Variants in ARFGAP2 observed in about 807,000 individuals in gnomAD.
The protein encoded by ARFGAP2 is ADP-ribosylation factor GTPase-activating protein 2.
In ARFGAP2, 45 loss-of-function variants were observed where a neutral mutation model predicts 71.9. That is an observed-to-expected ratio of 0.63 (90% CI 0.49 to 0.80). ARFGAP2 has a LOEUF of 0.80. Among genes scored for constraint, ARFGAP2 ranks in the 30% least tolerant of loss-of-function variants. ARFGAP2 has a pLI of 0.00. For synonymous variants in ARFGAP2, 248 were observed against 249.2 expected (o/e 1.00, Z 0.05); for missense variants, 633 against 673.9 (o/e 0.94, Z 0.67).
chr11:47,172,419 G>A (rs1485235802), intron 7 of ARFGAP2, 86 bp from the exon 8 acceptor site: 4 of 1,476,512 alleles, frequency 2.7e-6, no homozygotes, highest in Non-Finnish European at 3.8e-6. Context: ...TTCATGGCAA[G>A]AGCTCCTAAG....
chr11:47,172,046 C>T, intron 8 of ARFGAP2: 1 of 702,084 alleles, frequency 1.4e-6, no homozygotes, highest in Non-Finnish European at 2.4e-6. Context: ...CAAGTATGTG[C>T]CAAGCACTCC....
intron 10 of ARFGAP2, 36 bp downstream of exon 10, chr11:47,171,390 C>T (rs748561500): frequency 1.9e-6 from 3 of 1,610,336 alleles, no homozygotes; most frequent in East Asian, 2.2e-5. Context: ...CAGAAAACAA[C>T]GGCATTTCCC....
At position 47,166,600 on chromosome 11, in the gene ARFGAP2, C is replaced by T; in HGVS notation, c.1333-1G>A. 3 of 1,611,860 alleles carry T rather than the reference C, an allele frequency of 1.9e-6. No individual in the cohort carries two copies. The highest frequency in any genetic ancestry group is 2.5e-6 in the Non-Finnish European group (3 of 1,179,910). On this transcript the variant is annotated splice_acceptor_variant, in intron 13 of 15. Coordinates refer to ENST00000524782, the MANE Select transcript of ARFGAP2 (RefSeq NM_032389.6). LOFTEE classifies it high-confidence loss of function. Reference sequence around the variant, plus strand: ...GCTGCAGCCGAGACCTGGCCTCATACTGTGGTGAGGAAAAGGCCAGGCCTG... The same window carrying T: ...GCTGCAGCCGAGACCTGGCCTCATATTGTGGTGAGGAAAAGGCCAGGCCTG...
chr11:47,170,856 G>C (rs1952571930), intron 10 of ARFGAP2, among the ~76,000 whole-genome samples: 1 of 152,092 alleles, frequency 6.6e-6, no homozygotes, highest in African/African-American at 2.4e-5. Context: ...TGAAGTGGAA[G>C]GATCACCTGA....
rs1040470078 is a variant in ARFGAP2, at chr11:47,166,968, G to A, written c.1206-82C>T. The A allele has an allele frequency of 1.6e-5, 24 of 1,516,462 alleles. No individual in the cohort carries two copies. The African/African-American group carries it at 2.9e-4, about 18-fold the overall frequency. The allele number at this position is 1,516,462 out of a possible 1,614,324, so 93.9% of individuals were successfully genotyped here. ...AGTACAGAGGCCAAACAGAGCACCA[G>A]TGGCCTTTTGGTGATGGGTTACCAG... On this transcript the variant is annotated intron_variant, in intron 12 of 15. Transcript: ENST00000524782.
In ARFGAP2 at chr11:47,171,554, G is replaced by A. The variant is rs776670169; in HGVS notation, c.813C>T (p.Val271=). The A allele has an allele frequency of 1.2e-5, 19 of 1,613,994 alleles. No homozygotes were observed. Among genetic ancestry groups the A allele is most frequent in the East Asian group, 1.1e-4 (5 of 44,898 alleles). Reference sequence around the variant, plus strand: ...CCTGGTAGGCCAGACGCATGGAGGCGACCCTTAGGGGGAACAAAGGTGTCA... The same window carrying A: ...CCTGGTAGGCCAGACGCATGGAGGCAACCCTTAGGGGGAACAAAGGTGTCA... ...DAKKQAEESM[V]ASMRLAYQEL... is the part of the protein sequence containing the mutation. Residue 271 remains valine (V), a synonymous_variant, in exon 10 of 16, where the codon GTC becomes GTT. Coordinates refer to ENST00000524782, the MANE Select transcript of ARFGAP2 (RefSeq NM_032389.6).
intron 7 of ARFGAP2, 37 bp from the exon 8 acceptor site, chr11:47,172,370 G>T (rs753387303): frequency 1.2e-6 from 2 of 1,611,508 alleles, no homozygotes; most frequent in Admixed American, 3.3e-5. Context: ...CTAAGACAAA[G>T]GCAGCTCAGA....
chr11:47,172,512 G>C (rs913021759), intron 7 of ARFGAP2, among the ~76,000 whole-genome samples, 179 bp from the exon 8 acceptor site: 1 of 152,174 alleles, frequency 6.6e-6, no homozygotes, highest in African/African-American at 2.4e-5. Flanking sequence ...CGTGGCTGGG[G>C]TATTTACTGG....
chr11:47,170,613 C>T (rs190960297), intron 10 of ARFGAP2, among the ~76,000 whole-genome samples: 2 of 152,288 alleles, frequency 1.3e-5, no homozygotes, highest in Admixed American at 6.5e-5. Flanking sequence ...TGCCATTGCA[C>T]TCCAGCCTGG....
chr11:47,175,379 T>C, intron 3 of ARFGAP2, 66 bp from the exon 4 acceptor site: 3 of 1,609,668 alleles, frequency 1.9e-6, no homozygotes, highest in Non-Finnish European at 2.5e-6. Context: ...GTGTTGGCTG[T>C]AGGAGACATC....
chr11:47,175,770 C>T, intron 3 of ARFGAP2, 81 bp downstream of exon 3: 1 of 1,545,226 alleles, frequency 6.5e-7, no homozygotes, highest in Non-Finnish European at 8.9e-7. Context: ...ACAGGGAAAA[C>T]GACAGGGCCT....
intron 12 of ARFGAP2, among the ~76,000 whole-genome samples, chr11:47,167,427 T>A (rs1952428205): frequency 6.6e-6 from 1 of 152,176 alleles, no homozygotes; most frequent in African/African-American, 2.4e-5. Context: ...TATACGGGGA[T>A]AACTCACAGA....
Position 47,166,614 on chromosome 11 carries a change from A to G in ARFGAP2, c.1333-15T>C. The G allele has an allele frequency of 6.2e-7, 1 of 1,610,672 alleles. No homozygotes were observed. Among genetic ancestry groups the G allele is most frequent in the Non-Finnish European group, 8.5e-7 (1 of 1,179,590 alleles). The stretch of plus-strand genomic sequence containing the variant: ...CTGGCCTCATACTGTGGTGAGGAAA[A>G]GGCCAGGCCTGGGGATCTTGGGGCT... On this transcript the variant is annotated splice_polypyrimidine_tract_variant and intron_variant, in intron 13 of 15. Coordinates refer to ENST00000524782, the MANE Select transcript of ARFGAP2 (RefSeq NM_032389.6).
chr11:47,164,384 A>T lies in ARFGAP2; in HGVS notation c.*1098T>A. 9.4e-7 allele frequency: 1 copy of T among 1,069,406 alleles called. No homozygotes were observed. The highest frequency in any genetic ancestry group is 1.3e-6 in the Non-Finnish European group (1 of 773,270). The allele number at this position is 1,069,406 out of a possible 1,614,324, so 66.2% of individuals were successfully genotyped here. On this transcript the variant is annotated 3_prime_UTR_variant, in exon 16 of 16. Transcript: ENST00000524782. ...TTTCAATACAAACAGTCCAGAAAGAAAGTCAAGTCCCTCTGGGGGAGGGGC... is the reference window on the plus strand; with the variant it reads ...TTTCAATACAAACAGTCCAGAAAGATAGTCAAGTCCCTCTGGGGGAGGGGC...
Position 47,165,221 on chromosome 11 carries a change from G to C in ARFGAP2, c.*261C>G, listed in dbSNP as rs1182538159. 2.5e-6 allele frequency: 1 copy of C among 399,420 alleles called. No homozygotes were observed. 24.7% of individuals were successfully genotyped at this position (399,420 alleles called of 1,614,324 possible). On this transcript the variant is annotated 3_prime_UTR_variant, in exon 16 of 16. Transcript: ENST00000524782. ...AGGATAAGTGAGCAGCAGCTGTGGG[G>C]GCAGGACAGAAGGACAAGAGTCTAA...
At position 47,173,476 on chromosome 11, in the gene ARFGAP2, T is replaced by C; in HGVS notation, c.569A>G (p.Glu190Gly). ...AAGCAGGTCTGTGTTGGGGCCATGC[T>C]CCGGCTCTGTGGATGCAATGGTAGG... ...STESSGLAQP[E>G]HGPNTDLLGT... The change falls in exon 7 of 16, where the codon GAG becomes GGG. Residue 190 changes from glutamate (E) to glycine (G), a missense_variant. By Grantham distance (98) the Glu-to-Gly change is moderately conservative (BLOSUM62 -2). Coordinates refer to ENST00000524782, the MANE Select transcript of ARFGAP2 (RefSeq NM_032389.6). 1 of 1,557,268 alleles carries C rather than the reference T, an allele frequency of 6.4e-7. No homozygotes were observed.
At chr11:47,165,526 A>T in intron 15 of ARFGAP2, 24 bp from the exon 16 acceptor site, 1 of 1,555,854 alleles carries the variant, frequency 6.4e-7, no homozygotes, top group Non-Finnish European at 8.7e-7. Context: ...GGGAGAAAAA[A>T]AAAAAAAAAG....
chr11:47,168,903 C>T (rs1565125672), intron 10 of ARFGAP2, among the ~76,000 whole-genome samples: 1 of 152,038 alleles, frequency 6.6e-6, no homozygotes, highest in Non-Finnish European at 1.5e-5. Flanking sequence ...ACTATGAACC[C>T]CATCCTTCAC....
At chr11:47,170,051 G>A (rs565185401) in intron 10 of ARFGAP2, among the ~76,000 whole-genome samples, 55 of 151,778 alleles carry the variant, frequency 3.6e-4, no homozygotes, top group African/African-American at 1.3e-3. Flanking sequence ...AGCACTGGGC[G>A]CCGTGGCTCA....
Sources: allele counts gnomAD v4.1 joint callset (sites outside exome capture counted in the v4.1 genomes callset), GRCh38; gene constraint gnomAD v4.1.1; transcripts MANE v1.5; gene names NCBI Gene and HGNC (gene_info 2026-07-23, HGNC 2026-07-21).